MACROH2A1: variants seen among roughly 807,000 people sequenced by gnomAD.
MACROH2A1 encodes the protein core histone macro-H2A.1.
A neutral mutation model predicts 31.6 loss-of-function variants in MACROH2A1; 2 were observed. That is an observed-to-expected ratio of 0.06 (90% CI 0.03 to 0.20). MACROH2A1 has a LOEUF of 0.20. Ranked by LOEUF, MACROH2A1 falls within the 10% of genes least tolerant of loss-of-function variation. The pLI is 1.00. For missense variants in MACROH2A1, 230 were observed against 474.0 expected, an observed-to-expected ratio of 0.49 and a Z score of 4.78; for synonymous variants, 169 against 189.6, an observed-to-expected ratio of 0.89 and a Z score of 0.89.
At chr5:135,393,871 A>G (rs1285361802) in intron 1 of MACROH2A1, among the ~76,000 whole-genome samples, 1 of 152,228 alleles carries the variant, frequency 6.6e-6, no homozygotes, top group Non-Finnish European at 1.5e-5. Context: ...CTTTGTTTAT[A>G]AAACCTCAAA....
intron 8 of MACROH2A1, among the ~76,000 whole-genome samples, chr5:135,336,145 C>T (rs1218012092): frequency 6.6e-6 from 1 of 152,236 alleles, no homozygotes; most frequent in Non-Finnish European, 1.5e-5. Flanking sequence ...CTCTCCCTCA[C>T]ATGAGGCACC....
At chr5:135,360,344 T>C in intron 5 of MACROH2A1, 153 bp downstream of exon 5, 1 of 618,160 alleles carries the variant, frequency 1.6e-6, no homozygotes, top group Non-Finnish European at 2.9e-6. Context: ...CATCTAGCCC[T>C]CCCTGAGGCC....
At chr5:135,375,477 C>T (rs1283673438) in intron 2 of MACROH2A1, among the ~76,000 whole-genome samples, 1 of 152,042 alleles carries the variant, frequency 6.6e-6, no homozygotes, top group Non-Finnish European at 1.5e-5. Flanking sequence ...TTCTTTTTTC[C>T]AAATGTCTTG....
chr5:135,390,255 C>T (rs1202778543), intron 1 of MACROH2A1, among the ~76,000 whole-genome samples: 1 of 152,202 alleles, frequency 6.6e-6, no homozygotes, highest in East Asian at 1.9e-4. Context: ...ATCCTCAGGG[C>T]CCCATGTGCT....
intron 8 of MACROH2A1, among the ~76,000 whole-genome samples, chr5:135,341,315 C>T (rs1759815781): frequency 6.6e-6 from 1 of 151,788 alleles, no homozygotes; most frequent in African/African-American, 2.4e-5. Context: ...AACCCCAGGA[C>T]CAGACAGCCC....
At chr5:135,345,613 T>C (rs1230907407) in intron 7 of MACROH2A1, 2 of 197,860 alleles carry the variant, frequency 1.0e-5, no homozygotes, top group East Asian at 2.5e-4. Flanking sequence ...CACAGATGGC[T>C]GAAGATTTTT....
intron 4 of MACROH2A1, chr5:135,360,829 A>G: frequency 1.5e-6 from 1 of 678,270 alleles, no homozygotes; most frequent in Non-Finnish European, 2.7e-6. Context: ...ATCGTAAAAA[A>G]AAACCAGCCA....
At position 135,360,580 on chromosome 5, in the gene MACROH2A1, C is replaced by G; in HGVS notation, c.505G>C (p.Ala169Pro). The G allele has an allele frequency of 1.2e-6, 2 of 1,613,920 alleles. No individual in the cohort carries two copies. The highest frequency in any genetic ancestry group is 1.7e-6 in the Non-Finnish European group (2 of 1,179,806). Residue 169 changes from alanine (A) to proline (P), a missense_variant, in exon 5 of 9, where the codon GCC becomes CCC. Transcript: ENST00000511689. ...KKKQGEVSKA[A>P]SADSTTEGTP... is the part of the protein sequence containing the mutation. ...CCCTCGGTTGTGCTGTCGGCGCTGGCTGCCTTACTGACTTCACCCTGCTTC... is the reference window on the plus strand; with the variant it reads ...CCCTCGGTTGTGCTGTCGGCGCTGGGTGCCTTACTGACTTCACCCTGCTTC...
At chr5:135,348,585 G>T (rs1761141116) in intron 6 of MACROH2A1, among the ~76,000 whole-genome samples, 1 of 152,234 alleles carries the variant, frequency 6.6e-6, no homozygotes, top group South Asian at 2.1e-4. Context: ...GTGATTACTA[G>T]CTTCCTCTTT....
rs1329467639 is a variant in MACROH2A1 at position 135,334,984 on chromosome 5, C to T, written c.1111G>A (p.Ala371Thr). The T allele has an allele frequency of 7.4e-6, 12 of 1,613,204 alleles. No homozygotes were observed. The highest frequency in any genetic ancestry group is 2.7e-5 in the African/African-American group (2 of 74,878). Residue 371 changes from alanine (A) to threonine (T), a missense_variant, in exon 9 of 9, where the codon GCC becomes ACC. By Grantham distance (58) the Ala-to-Thr change is moderately conservative (BLOSUM62 0). This residue lies in a region of MACROH2A1 where 183 missense variants were observed against 319.3 expected (regional missense o/e 0.57). Transcript: ENST00000511689. Reference sequence around the variant, plus strand: ...TTCTGTCATTGCTCAGCCTAGTTGGCGTCCAGCTTGGCCATTTCCTGCACA... The same window carrying T: ...TTCTGTCATTGCTCAGCCTAGTTGGTGTCCAGCTTGGCCATTTCCTGCACA... Reference protein sequence around the residue: ...IYVQEMAKLDAN With the variant: ...IYVQEMAKLDTN
intron 4 of MACROH2A1, among the ~76,000 whole-genome samples, chr5:135,364,437 C>T (rs1246973477): frequency 1.3e-5 from 2 of 150,658 alleles, no homozygotes; most frequent in African/African-American, 2.5e-5. Flanking sequence ...AAAAAAAATG[C>T]CCTTTCTTCT....
intron 2 of MACROH2A1, among the ~76,000 whole-genome samples, chr5:135,380,631 G>A (rs114120894): frequency 0.031 from 4,761 of 152,212 alleles, 266 homozygotes; most frequent in African/African-American, 0.11. Flanking sequence ...GTTAGCTGAG[G>A]GGTCTAGGGG....
In MACROH2A1 at chr5:135,398,872, G is replaced by A. The variant is rs116089079; in HGVS notation, c.-34+190C>T. On this transcript the variant is annotated intron_variant, in intron 1 of 8. Transcript: ENST00000511689. This position sits in a 1 kb window ranked among gnomAD's most constrained non-coding sequence, Gnocchi z 4.6. ...TGAACAAAACCAAAGGGAATCCCGC[G>A]CGGCCCGACAAGGCCTGGGAGGACG... 1.9e-3 allele frequency among the ~76,000 whole-genome samples: 287 copies of A among 151,980 alleles called. 2 individuals carry two copies. The highest frequency in any genetic ancestry group is 6.6e-3 in the African/African-American group (273 of 41,550).
chr5:135,351,986 T>G (rs1447938257), intron 6 of MACROH2A1, among the ~76,000 whole-genome samples: 1 of 152,014 alleles, frequency 6.6e-6, no homozygotes, highest in Non-Finnish European at 1.5e-5. Flanking sequence ...CACTCTTGAG[T>G]CCAGTCCTCA....
chr5:135,364,838 C>T (rs976775670), intron 4 of MACROH2A1, among the ~76,000 whole-genome samples: 4 of 152,176 alleles, frequency 2.6e-5, no homozygotes, highest in African/African-American at 9.7e-5. Context: ...CTTACCAGAA[C>T]GTTAATCACT....
rs1287888305 is a variant in MACROH2A1, at chr5:135,353,475, C to A, written c.589-430G>T. On this transcript the variant is annotated intron_variant, in intron 5 of 8. Transcript: ENST00000511689. ...TAACATCCTACCTGGCTTGGGCAAA[C>A]CCCTAAGGGCTCTGCCATTGTCTTC... The A allele has an allele frequency of 4.1e-5, 7 of 170,318 alleles. No homozygotes were observed. In the East Asian group the frequency reaches 1.0e-3, roughly 25 times the overall value. 10.6% of individuals were successfully genotyped at this position (170,318 alleles called of 1,614,324 possible).
chr5:135,389,200 C>T, intron 1 of MACROH2A1, 74 bp from the exon 2 acceptor site: 1 of 1,188,468 alleles, frequency 8.4e-7, no homozygotes, highest in Non-Finnish European at 1.2e-6. Flanking sequence ...ACACTCTAGT[C>T]CCCTGGAAGG....
At chr5:135,391,158 A>T (rs1767183704) in intron 1 of MACROH2A1, among the ~76,000 whole-genome samples, 1 of 152,198 alleles carries the variant, frequency 6.6e-6, no homozygotes. Context: ...GTGTATATGT[A>T]TGTGTGCCTG....
At chr5:135,363,144 G>A (rs921673522) in intron 4 of MACROH2A1, among the ~76,000 whole-genome samples, 4 of 151,952 alleles carry the variant, frequency 2.6e-5, no homozygotes, top group African/African-American at 7.3e-5. Flanking sequence ...GGCCAAGGCA[G>A]GAGGATGCCA....
Sources: allele counts gnomAD v4.1 joint callset (sites outside exome capture counted in the v4.1 genomes callset), GRCh38; gene constraint gnomAD v4.1.1; regional missense constraint gnomAD v4.1.1; non-coding constraint Gnocchi (gnomAD v3.1); transcripts MANE v1.5; gene names NCBI Gene and HGNC (gene_info 2026-07-23, HGNC 2026-07-21).